CDH13: variants seen among roughly 807,000 people sequenced by gnomAD.
CDH13 encodes cadherin-13.
Under a neutral mutation model 63.8 loss-of-function variants are expected in CDH13, and 24 were observed. The observed-to-expected ratio is 0.38, with a 90% CI of 0.27 to 0.53. CDH13 has a LOEUF of 0.53. Ranked by LOEUF, CDH13 falls within the 20% of genes least tolerant of loss-of-function variation. The pLI is 0.85. For synonymous variants in CDH13, 503 were observed against 355.3 expected, an observed-to-expected ratio of 1.42 and a Z score of -4.67; for missense variants, 1,049 against 903.1, an observed-to-expected ratio of 1.16 and a Z score of -2.07.
At chr16:83,204,094 C>G (rs963244642) in intron 4 of CDH13, among the ~76,000 whole-genome samples, 1 of 152,226 alleles carries the variant, frequency 6.6e-6, no homozygotes, top group Non-Finnish European at 1.5e-5. Flanking sequence ...TGTTCCTGGG[C>G]CATGAATGGC....
intron 1 of CDH13, among the ~76,000 whole-genome samples, chr16:82,649,945 C>A (rs150354923): frequency 4.6e-5 from 7 of 152,162 alleles, no homozygotes; most frequent in African/African-American, 1.7e-4. Flanking sequence ...AGACAGTGCC[C>A]GGTGTGCTGT....
chr16:83,634,821 G>A (rs559614867), intron 8 of CDH13, among the ~76,000 whole-genome samples: 18 of 152,188 alleles, frequency 1.2e-4, no homozygotes, highest in Non-Finnish European at 1.9e-4. Flanking sequence ...GCCAGAGTTC[G>A]TTGAACCATT....
chr16:83,119,143 G>A (rs72798381), intron 3 of CDH13, among the ~76,000 whole-genome samples: 4,956 of 152,248 alleles, frequency 0.033, 106 homozygotes, highest in Non-Finnish European at 0.045. Flanking sequence ...CTTGTGTAAC[G>A]TGGCTGTGCA....
intron 2 of CDH13, among the ~76,000 whole-genome samples, chr16:82,895,102 A>G (rs1045406567): frequency 1.3e-5 from 2 of 152,220 alleles, no homozygotes; most frequent in Non-Finnish European, 2.9e-5. Flanking sequence ...ATTCAGTGGC[A>G]TTTAGCGTAT....
intron 4 of CDH13, among the ~76,000 whole-genome samples, chr16:83,153,214 T>C (rs978261625): frequency 2.6e-5 from 4 of 151,670 alleles, no homozygotes; most frequent in African/African-American, 9.7e-5. Flanking sequence ...AGTTGGGGAG[T>C]GCTGATTGGT....
intron 5 of CDH13, among the ~76,000 whole-genome samples, chr16:83,302,412 C>T (rs941899509): frequency 2.6e-5 from 4 of 152,152 alleles, no homozygotes; most frequent in Admixed American, 6.5e-5. Flanking sequence ...AAATATTAGT[C>T]GAATCTGACT....
chr16:83,538,600 G>C (rs1476313255), intron 7 of CDH13, among the ~76,000 whole-genome samples: 1 of 152,226 alleles, frequency 6.6e-6, no homozygotes, highest in East Asian at 1.9e-4. Context: ...GAGGAAGTAT[G>C]ATAGAGCCAT....
intron 1 of CDH13, among the ~76,000 whole-genome samples, chr16:82,648,389 A>T (rs1597214109): frequency 6.6e-6 from 1 of 152,176 alleles, no homozygotes; most frequent in African/African-American, 2.4e-5. Flanking sequence ...CACATGCCTG[A>T]CTCTCCTAAA....
intron 7 of CDH13, among the ~76,000 whole-genome samples, chr16:83,487,162 T>G (rs1042147129): frequency 1.3e-5 from 2 of 152,216 alleles, no homozygotes; most frequent in African/African-American, 4.8e-5. Flanking sequence ...TTAGGCTTTC[T>G]CCGTGAAATC....
chr16:83,279,018 A>T (rs187090289), intron 5 of CDH13, among the ~76,000 whole-genome samples: 2 of 151,538 alleles, frequency 1.3e-5, no homozygotes, highest in African/African-American at 4.8e-5. Flanking sequence ...TTATTTATTT[A>T]TTTTTTATTG....
intron 5 of CDH13, among the ~76,000 whole-genome samples, chr16:83,291,777 T>G (rs961013470): frequency 2.8e-4 from 43 of 152,316 alleles, no homozygotes; most frequent in African/African-American, 8.4e-4. Flanking sequence ...CTGGGACTTT[T>G]GCCTGAATTA....
chr16:83,303,202 G>A (rs1033187638), intron 5 of CDH13, among the ~76,000 whole-genome samples: 9 of 152,206 alleles, frequency 5.9e-5, no homozygotes, highest in Admixed American at 2.0e-4. Flanking sequence ...TTCACCTTCC[G>A]AAGGTTCACC....
chr16:82,743,334 C>T (rs1183604543), intron 1 of CDH13, among the ~76,000 whole-genome samples: 3 of 152,114 alleles, frequency 2.0e-5, no homozygotes, highest in Non-Finnish European at 2.9e-5. Context: ...CTTAGGCGAT[C>T]CTCCCACCTC....
chr16:82,695,200 G>A (rs78489683), intron 1 of CDH13, among the ~76,000 whole-genome samples: 1,524 of 152,164 alleles, frequency 0.01, 25 homozygotes, highest in African/African-American at 0.035. Flanking sequence ...TGTGCCTGGG[G>A]CAATGAGGAG....
intron 4 of CDH13, among the ~76,000 whole-genome samples, chr16:83,206,511 A>G (rs1403912550): frequency 1.3e-5 from 2 of 152,194 alleles, no homozygotes; most frequent in East Asian, 3.9e-4. Flanking sequence ...GCATTCTCAC[A>G]TGCACCCGAC....
At chr16:82,696,977 T>G (rs2030379353) in intron 1 of CDH13, among the ~76,000 whole-genome samples, 1 of 152,152 alleles carries the variant, frequency 6.6e-6, no homozygotes, top group Non-Finnish European at 1.5e-5. Flanking sequence ...ACTCTTAAGG[T>G]ATTTACACAA....
intron 5 of CDH13, among the ~76,000 whole-genome samples, chr16:83,315,428 C>G (rs2090085385): frequency 6.6e-6 from 1 of 152,162 alleles, no homozygotes; most frequent in Non-Finnish European, 1.5e-5. Context: ...ACATTTAAAC[C>G]TCACCTCCAA....
At chr16:82,806,340 C>T (rs1431885057) in intron 1 of CDH13, among the ~76,000 whole-genome samples, 1 of 152,146 alleles carries the variant, frequency 6.6e-6, no homozygotes, top group Admixed American at 6.5e-5. Context: ...GTAACCTGGA[C>T]CACAGTCCAT....
chr16:83,490,243 G>C (rs1404766009), intron 7 of CDH13, among the ~76,000 whole-genome samples: 1 of 152,182 alleles, frequency 6.6e-6, no homozygotes, highest in Non-Finnish European at 1.5e-5. Context: ...GACCCCAGCA[G>C]GAAGTGTTTA....
Sources: gnomAD v4.1 joint callset for allele counts (sites outside exome capture counted in the v4.1 genomes callset) on GRCh38, gnomAD v4.1.1 for gene constraint, MANE v1.5 for transcripts, NCBI Gene and HGNC (gene_info 2026-07-23, HGNC 2026-07-21) for gene names.